DLGAP4: variants seen among roughly 807,000 people sequenced by gnomAD.
DLGAP4 encodes disks large-associated protein 4.
In DLGAP4, 18 loss-of-function variants were observed where a neutral mutation model predicts 86.9. That is an observed-to-expected ratio of 0.21 (90% CI 0.14 to 0.31). The LOEUF is 0.31. DLGAP4 is among the 10% of genes least tolerant of loss of function. DLGAP4 has a pLI of 1.00. For synonymous variants in DLGAP4, 548 were observed against 574.3 expected (o/e 0.95, Z 0.65); for missense variants, 1,085 against 1,362.6 (o/e 0.80, Z 3.21).
chr20:36,494,685 C>A (rs921447408), intron 7 of DLGAP4, among the ~76,000 whole-genome samples: 2 of 152,160 alleles, frequency 1.3e-5, no homozygotes, highest in African/African-American at 4.8e-5. Context: ...CAGGACTATT[C>A]CATCACTTCA....
intron 7 of DLGAP4, among the ~76,000 whole-genome samples, chr20:36,479,287 G>A (rs565338079): frequency 6.6e-6 from 1 of 152,074 alleles, no homozygotes; most frequent in Non-Finnish European, 1.5e-5. Flanking sequence ...TAGGATGAGG[G>A]CTCTGCCAGC....
At chr20:36,355,286 C>G (rs1600427524) in intron 1 of DLGAP4, among the ~76,000 whole-genome samples, 2 of 143,906 alleles carry the variant, frequency 1.4e-5, no homozygotes, top group South Asian at 4.2e-4. Context: ...GTTCTTTTTT[C>G]TTTCTTTCTT....
Position 36,526,842 on chromosome 20 carries a change from AAAG to A in DLGAP4, c.2794_2796del (p.Lys932del). 6.2e-7 allele frequency: 1 copy of A among 1,611,118 alleles called. No individual in the cohort carries two copies. Among genetic ancestry groups the A allele is most frequent in the African/African-American group, 1.3e-5 (1 of 74,920 alleles). The stretch of plus-strand genomic sequence containing the variant: ...AGAAGAAACCACCCCCTCCGGTCCC[AAAG>A]AAGCCAGCCAAATCCAAGCCGGCAG... On this transcript the variant is annotated inframe_deletion, in exon 13 of 13. Coordinates refer to ENST00000339266, the MANE Select transcript of DLGAP4 (RefSeq NM_001365621.2).
intron 1 of DLGAP4, among the ~76,000 whole-genome samples, chr20:36,331,414 T>A (rs1555891548): frequency 6.6e-6 from 1 of 152,206 alleles, no homozygotes. Context: ...GGAACATTAA[T>A]CCACCTCATT....
intron 5 of DLGAP4, among the ~76,000 whole-genome samples, chr20:36,441,547 C>T (rs1390130322): frequency 1.3e-5 from 2 of 152,204 alleles, no homozygotes; most frequent in Non-Finnish European, 2.9e-5. Flanking sequence ...CCTCTTAAAA[C>T]TAGGATCTCC....
chr20:36,415,097 C>G (rs1334778717), intron 2 of DLGAP4, among the ~76,000 whole-genome samples: 1 of 152,070 alleles, frequency 6.6e-6, no homozygotes, highest in African/African-American at 2.4e-5. Flanking sequence ...GAAACCCCGT[C>G]TCTACTAAAA....
intron 1 of DLGAP4, among the ~76,000 whole-genome samples, chr20:36,362,306 C>A (rs1228434535): frequency 6.6e-6 from 1 of 152,120 alleles, no homozygotes; most frequent in Non-Finnish European, 1.5e-5. Context: ...TTGGGCTTTA[C>A]TTCTGGGTGA....
intron 5 of DLGAP4, among the ~76,000 whole-genome samples, chr20:36,441,153 C>T (rs113870608): frequency 5.9e-5 from 9 of 152,156 alleles, no homozygotes; most frequent in African/African-American, 2.2e-4. Context: ...CCCACCTCCC[C>T]CTGAGGGAAA....
At chr20:36,480,629 T>A (rs2147704558) in intron 7 of DLGAP4, among the ~76,000 whole-genome samples, 1 of 152,294 alleles carries the variant, frequency 6.6e-6, no homozygotes, top group South Asian at 2.1e-4. Flanking sequence ...GAGGATCACT[T>A]GAGCCCAGGA....
At chr20:36,318,535 G>A (rs1447513008) in intron 1 of DLGAP4, among the ~76,000 whole-genome samples, 1 of 152,160 alleles carries the variant, frequency 6.6e-6, no homozygotes, top group East Asian at 1.9e-4. Context: ...ACTGGACCTG[G>A]CTAATTTTTT....
intron 10 of DLGAP4, among the ~76,000 whole-genome samples, chr20:36,504,313 T>C (rs6023686): frequency 0.012 from 1,831 of 152,304 alleles, 41 homozygotes; most frequent in African/African-American, 0.042. Context: ...CGTCCTTTTG[T>C]GTTTGGCATG....
intron 7 of DLGAP4, among the ~76,000 whole-genome samples, chr20:36,467,064 C>CTCTCCCTCT (rs1555907464): frequency 5.1e-5 from 6 of 118,144 alleles, no homozygotes; most frequent in African/African-American, 2.9e-4. Flanking sequence ...CTCTCTCTCT[C>CTCTCCCTCT]CCCCCCCCTT....
At chr20:36,413,230 G>A (rs1411312555) in intron 2 of DLGAP4, among the ~76,000 whole-genome samples, 2 of 151,530 alleles carry the variant, frequency 1.3e-5, no homozygotes, top group Non-Finnish European at 2.9e-5. Flanking sequence ...CACCCACCTC[G>A]GGCTCCCAAA....
Position 36,462,432 on chromosome 20 carries a change from T to G in DLGAP4, c.1648+15495T>G, listed in dbSNP as rs1334981379. 4.6e-6 allele frequency: 7 copies of G among 1,514,728 alleles called. No homozygotes were observed. The African/African-American group carries it at 8.7e-5, about 19-fold the overall frequency. 93.8% of individuals were successfully genotyped at this position (1,514,728 alleles called of 1,614,324 possible). ...CTGAAGGCCCCCCTTTGAGCCTGCTTCTTTGCCTGGGGCCCTTGGCCCCCC... is the reference window on the plus strand; with the variant it reads ...CTGAAGGCCCCCCTTTGAGCCTGCTGCTTTGCCTGGGGCCCTTGGCCCCCC... On this transcript the variant is annotated intron_variant, in intron 7 of 12. Transcript: ENST00000339266.
intron 7 of DLGAP4, among the ~76,000 whole-genome samples, chr20:36,486,693 C>T (rs748836591): frequency 6.6e-6 from 1 of 151,538 alleles, no homozygotes; most frequent in Admixed American, 6.6e-5. Flanking sequence ...TCACTGCAAC[C>T]TCCACCTCCC....
At chr20:36,465,547 A>G (rs1275917153) in intron 7 of DLGAP4, among the ~76,000 whole-genome samples, 4 of 152,026 alleles carry the variant, frequency 2.6e-5, no homozygotes, top group African/African-American at 9.7e-5. Context: ...GTCTGTTCCC[A>G]TCTGTTCTGG....
chr20:36,465,105 A>C (rs1368292401), intron 7 of DLGAP4, among the ~76,000 whole-genome samples: 2 of 152,044 alleles, frequency 1.3e-5, no homozygotes, highest in African/African-American at 4.8e-5. Flanking sequence ...TTCCCTTCCC[A>C]AAAACATCTG....
chr20:36,349,461 T>C (rs1291269737), intron 1 of DLGAP4, among the ~76,000 whole-genome samples: 1 of 149,768 alleles, frequency 6.7e-6, no homozygotes, highest in African/African-American at 2.5e-5. Flanking sequence ...ATTTTAGGTG[T>C]AGGGAACGTA....
intron 3 of DLGAP4, among the ~76,000 whole-genome samples, chr20:36,433,594 CAG>C (rs2033186926): frequency 6.6e-6 from 1 of 151,536 alleles, no homozygotes; most frequent in African/African-American, 2.4e-5. Flanking sequence ...TGCCTCATCT[CAG>C]GGGGAATGCA....
Sources: allele counts gnomAD v4.1 joint callset (sites outside exome capture counted in the v4.1 genomes callset), GRCh38; gene constraint gnomAD v4.1.1; transcripts MANE v1.5; gene names NCBI Gene and HGNC (gene_info 2026-07-23, HGNC 2026-07-21).